The following NCOA7 variants were observed in gnomAD, a reference collection of about 807,000 sequenced individuals.
NCOA7 encodes the protein nuclear receptor coactivator 7, also known as 140 kDa estrogen receptor-associated protein.
NCOA7 carries 45 observed loss-of-function variants against 104.3 expected under a neutral mutation model. That is an observed-to-expected ratio of 0.43 (90% CI 0.34 to 0.55). The LOEUF (loss-of-function observed/expected upper bound fraction) is 0.55, where lower values mean the gene tolerates loss of function less well. NCOA7 is among the 20% of genes least tolerant of loss of function. The probability of loss-of-function intolerance (pLI) is 0.02; values close to 1 mark genes in which losing one functional copy is unlikely to be tolerated. For missense variants in NCOA7, 1,041 were observed against 1,119.7 expected, an observed-to-expected ratio of 0.93 and a Z score of 1.00; for synonymous variants, 398 against 402.3, an observed-to-expected ratio of 0.99 and a Z score of 0.13.
intron 3 of NCOA7, among the ~76,000 whole-genome samples, chr6:125,856,979 C>T (rs953493067): frequency 2.0e-5 from 3 of 152,068 alleles, no homozygotes; most frequent in African/African-American, 7.2e-5. Context: ...ATGTTGCTAC[C>T]GTACAGGCAG....
chr6:125,833,598 G>A (rs1197264351), intron 2 of NCOA7, among the ~76,000 whole-genome samples: 5 of 149,338 alleles, frequency 3.3e-5, no homozygotes, highest in African/African-American at 1.2e-4. Flanking sequence ...AAGGGAGGGG[G>A]GGAGGGGGAG....
At chr6:125,878,224 TG>T in intron 4 of NCOA7, 38 bp from the exon 5 acceptor site, 1 of 1,406,274 alleles carries the variant, frequency 7.1e-7, no homozygotes, top group Non-Finnish European at 9.7e-7. Context: ...TAATTTTTTT[TG>T]CTTTATTTAT....
chr6:125,882,643 A>T (rs754760611), intron 7 of NCOA7, 92 bp downstream of exon 7: 39 of 1,464,108 alleles, frequency 2.7e-5, no homozygotes, highest in Non-Finnish European at 3.4e-5. Context: ...ACATTAAAAG[A>T]TCTTACCCAA....
Position 125,917,119 on chromosome 6 carries a change from C to A in NCOA7, c.2244+1639C>A, listed in dbSNP as rs1022474383. Reference sequence around the variant, plus strand: ...CTTACCCACCTGTTAGAATAACTACCTGGGAATTTTAAAAAACTGAATCCT... The same window carrying A: ...CTTACCCACCTGTTAGAATAACTACATGGGAATTTTAAAAAACTGAATCCT... On this transcript the variant is annotated intron_variant, in intron 11 of 15. Coordinates refer to ENST00000392477, the MANE Select transcript of NCOA7 (RefSeq NM_181782.5). 6.0e-5 allele frequency among the ~76,000 whole-genome samples: 9 copies of A among 151,046 alleles called. 2 individuals are homozygous for A. In the South Asian group the frequency reaches 1.2e-3, roughly 21 times the overall value.
At chr6:125,926,357 G>A (rs1251865344) in intron 13 of NCOA7, among the ~76,000 whole-genome samples, 2 of 150,972 alleles carry the variant, frequency 1.3e-5, no homozygotes, top group African/African-American at 4.9e-5. Flanking sequence ...AGCTAAAAAA[G>A]AAAATATTTA....
intron 7 of NCOA7, among the ~76,000 whole-genome samples, chr6:125,884,690 C>T (rs1269450308): frequency 6.6e-6 from 1 of 152,180 alleles, no homozygotes; most frequent in East Asian, 1.9e-4. Context: ...TGGGACTATT[C>T]TTTGGCACTG....
intron 2 of NCOA7, among the ~76,000 whole-genome samples, chr6:125,830,735 ATATGTGTG>A (rs1477841363): frequency 7.5e-6 from 1 of 133,956 alleles, no homozygotes; most frequent in African/African-American, 2.7e-5. Context: ...ATATATATAT[ATATGTGTG>A]TGTGTGTGTG....
chr6:125,913,751 C>A, intron 10 of NCOA7: 1 of 721,362 alleles, frequency 1.4e-6, no homozygotes, highest in South Asian at 6.3e-5. Flanking sequence ...AACAACAGCT[C>A]GGAAACACAT....
intron 3 of NCOA7, among the ~76,000 whole-genome samples, chr6:125,860,848 C>G (rs1310496199): frequency 1.3e-5 from 2 of 151,772 alleles, no homozygotes; most frequent in African/African-American, 2.4e-5. Context: ...TAAGGGGGGA[C>G]AAGACTAAAT....
intron 12 of NCOA7, among the ~76,000 whole-genome samples, chr6:125,921,409 CAA>C (rs111905886): frequency 1.4e-5 from 2 of 139,144 alleles, no homozygotes; most frequent in Admixed American, 7.2e-5. Flanking sequence ...GACTCTGTCT[CAA>C]AAAAAAAAAA....
chr6:125,925,980 T>C (rs1268911201), intron 13 of NCOA7, among the ~76,000 whole-genome samples: 2 of 152,140 alleles, frequency 1.3e-5, no homozygotes, highest in Non-Finnish European at 2.9e-5. Flanking sequence ...CATCCAGCCC[T>C]TAGTCTTTAA....
intron 11 of NCOA7, among the ~76,000 whole-genome samples, chr6:125,920,742 C>G (rs1012710811): frequency 6.6e-6 from 1 of 152,136 alleles, no homozygotes; most frequent in African/African-American, 2.4e-5. Context: ...TACATATTAA[C>G]TGCCTCGATT....
chr6:125,802,662 T>C (rs1000831374), intron 1 of NCOA7, among the ~76,000 whole-genome samples: 2 of 152,200 alleles, frequency 1.3e-5, no homozygotes, highest in African/African-American at 4.8e-5. Flanking sequence ...GATGTATAAT[T>C]ATCTTACAGC....
chr6:125,889,651 G>A lies in NCOA7; in HGVS notation c.1597G>A (p.Gly533Arg), dbSNP rs35223550. 6,823 of 1,613,976 alleles carry A rather than the reference G, an allele frequency of 4.2e-3. 30 individuals carry two copies. Among genetic ancestry groups the A allele is most frequent in the Middle Eastern group, 8.4e-3 (51 of 6,060 alleles). ...IEYYLTKNKE[G>R]PQVSENLQKT... Reference sequence around the variant, plus strand: ...ATATTACCTGACTAAGAACAAAGAAGGGCCACAGGTATCTGAAAATTTGCA... The same window carrying A: ...ATATTACCTGACTAAGAACAAAGAAAGGCCACAGGTATCTGAAAATTTGCA... The change falls in exon 9 of 16, where the codon GGG becomes AGG. Residue 533 changes from glycine (G) to arginine (R), a missense_variant. Around this residue, in one of 2 missense-constraint regions of NCOA7, gnomAD observed 914 missense variants for 942.7 expected, o/e 0.97. Coordinates refer to ENST00000392477, the MANE Select transcript of NCOA7 (RefSeq NM_181782.5).
At chr6:125,832,386 T>C (rs1395201508) in intron 2 of NCOA7, among the ~76,000 whole-genome samples, 3 of 152,158 alleles carry the variant, frequency 2.0e-5, no homozygotes, top group Admixed American at 6.5e-5. Context: ...TTTATCCCCC[T>C]GCTAGGGAGC....
chr6:125,855,065 A>G lies in NCOA7; in HGVS notation c.96A>G (p.Ser32=), dbSNP rs1227284847. 6.2e-7 allele frequency: 1 copy of G among 1,612,940 alleles called. No individual in the cohort carries two copies. The highest frequency in any genetic ancestry group is 8.5e-7 in the Non-Finnish European group (1 of 1,179,876). The change falls in exon 3 of 16, where the codon TCA becomes TCG. Residue 32 remains serine, a synonymous_variant. Coordinates refer to ENST00000392477, the MANE Select transcript of NCOA7 (RefSeq NM_181782.5). ...KQAKQNAETA[S]AVATRTHTGK... ...CCAAACAAAATGCAGAGACAGCCTC[A>G]GCTGTAGCTACAAGGACTCATACTG...
intron 1 of NCOA7, among the ~76,000 whole-genome samples, chr6:125,803,566 AATG>A (rs1239949187): frequency 1.3e-5 from 2 of 152,360 alleles, no homozygotes; most frequent in East Asian, 1.9e-4. Context: ...ACATTAAAAA[AATG>A]ATAATTCAGT....
rs1788275114 is a variant in NCOA7, at chr6:125,928,788, A to T, written c.*17A>T. On this transcript the variant is annotated 3_prime_UTR_variant, in exon 16 of 16. Coordinates refer to ENST00000392477, the MANE Select transcript of NCOA7 (RefSeq NM_181782.5). Reference sequence around the variant, plus strand: ...TTTGATTGAAATTCAGACTGCCTTAAAATATAACATTAAAAAGACTGGGTT... The same window carrying T: ...TTTGATTGAAATTCAGACTGCCTTATAATATAACATTAAAAAGACTGGGTT... 1 of 1,606,232 alleles carries T rather than the reference A, an allele frequency of 6.2e-7. No individual in the cohort carries two copies. The highest frequency in any genetic ancestry group is 1.1e-5 in the South Asian group (1 of 89,416).
chr6:125,914,230 G>A (rs1299943537), intron 10 of NCOA7, among the ~76,000 whole-genome samples: 2 of 152,306 alleles, frequency 1.3e-5, no homozygotes, highest in East Asian at 1.9e-4. Context: ...TAGGAATACA[G>A]GCTAATTATG....
Sources: gnomAD v4.1 joint callset for allele counts (sites outside exome capture counted in the v4.1 genomes callset) on GRCh38, gnomAD v4.1.1 for gene constraint, gnomAD v4.1.1 regional missense constraint, MANE v1.5 for transcripts, NCBI Gene and HGNC (gene_info 2026-07-23, HGNC 2026-07-21) for gene names.